Variants in NXPE2 observed in about 807,000 individuals in gnomAD.
NXPE2 encodes the protein neurexophilin and PC-esterase domain family member 2, also known as NXPE family member 2.
Under a neutral mutation model 34.4 loss-of-function variants are expected in NXPE2, and 34 were observed. The observed-to-expected ratio is 0.99, with a 90% confidence interval of 0.75 to 1.31. NXPE2 has a LOEUF of 1.31. Ranked by LOEUF, NXPE2 falls within the 40% of genes most tolerant of loss-of-function variation. The pLI is 0.00. For synonymous variants in NXPE2, 235 were observed against 231.3 expected, an observed-to-expected ratio of 1.02 and a Z score of -0.15; for missense variants, 649 against 672.5, an observed-to-expected ratio of 0.97 and a Z score of 0.39.
chr11:114,624,343 G>C, the NXPE2 span, among the ~76,000 whole-genome samples: 1 of 151,836 alleles, frequency 6.6e-6, no homozygotes, highest in African/African-American at 2.4e-5. Flanking sequence ...TTACTCAGTG[G>C]ATAATAATTA....
At chr11:114,647,917 G>A in the NXPE2 span, among the ~76,000 whole-genome samples, 137 of 152,164 alleles carry the variant, frequency 9.0e-4, 1 homozygote, top group East Asian at 0.021. Context: ...GCCCAGTCTC[G>A]TCTTGAACTC....
chr11:114,650,326 G>C, the NXPE2 span, among the ~76,000 whole-genome samples: 1 of 152,196 alleles, frequency 6.6e-6, no homozygotes, highest in Non-Finnish European at 1.5e-5. Flanking sequence ...TGCTAATTTG[G>C]AATAGCTGGG....
chr11:114,697,541 T>G (rs1418396005), intron 2 of NXPE2, among the ~76,000 whole-genome samples: 1 of 152,166 alleles, frequency 6.6e-6, no homozygotes. Context: ...ATGAAACTAA[T>G]AGAGTCAGCA....
chr11:114,769,096 C>T, the NXPE2 span, among the ~76,000 whole-genome samples: 121 of 151,580 alleles, frequency 8.0e-4, 1 homozygote, highest in Middle Eastern at 3.4e-3. Flanking sequence ...CTACTAAGAA[C>T]TTAAACAAAT....
the NXPE2 span, among the ~76,000 whole-genome samples, chr11:114,492,289 T>C: frequency 1.3e-5 from 2 of 152,178 alleles, no homozygotes; most frequent in East Asian, 3.9e-4. Context: ...CGTGTATTTG[T>C]ATAGTTTCCA....
At chr11:114,474,027 C>CT in the NXPE2 span, among the ~76,000 whole-genome samples, 1 of 151,996 alleles carries the variant, frequency 6.6e-6, no homozygotes, top group African/African-American at 2.4e-5. Context: ...TTCAAGGTTT[C>CT]CAGTAAATTA....
the NXPE2 span, among the ~76,000 whole-genome samples, chr11:114,636,535 G>T: frequency 6.6e-6 from 1 of 151,516 alleles, no homozygotes; most frequent in African/African-American, 2.4e-5. Context: ...TGCTTTTCTA[G>T]TTCTTTTAAT....
At chr11:114,583,815 A>G in the NXPE2 span, 1 of 428,908 alleles carries the variant, frequency 2.3e-6, no homozygotes, top group Non-Finnish European at 4.5e-6. Context: ...GAGGCCTTCT[A>G]TATTACAGGC....
the NXPE2 span, among the ~76,000 whole-genome samples, chr11:114,714,597 C>T: frequency 3.7e-4 from 57 of 152,296 alleles, no homozygotes; most frequent in African/African-American, 1.2e-3. Context: ...TGCCACCTCT[C>T]GGCTCTGCAG....
chr11:114,542,466 C>T, the NXPE2 span, among the ~76,000 whole-genome samples: 2 of 152,014 alleles, frequency 1.3e-5, no homozygotes, highest in African/African-American at 4.8e-5. Flanking sequence ...TATTTATTTA[C>T]AGAAATAAGT....
At chr11:114,783,417 C>T in the NXPE2 span, among the ~76,000 whole-genome samples, 3 of 152,122 alleles carry the variant, frequency 2.0e-5, no homozygotes, top group Non-Finnish European at 4.4e-5. Context: ...CTAGCAAAGA[C>T]CCAGGAAAAG....
At chr11:114,529,439 G>A in the NXPE2 span, 1 of 152,230 alleles carries the variant, frequency 6.6e-6, no homozygotes, top group African/African-American at 2.4e-5. Context: ...TCAGGTTAGT[G>A]GATAACAGGG....
At chr11:114,804,325 T>C in the NXPE2 span, among the ~76,000 whole-genome samples, 1 of 152,234 alleles carries the variant, frequency 6.6e-6, no homozygotes, top group Non-Finnish European at 1.5e-5. Flanking sequence ...TGTCCCTTTA[T>C]AGCCTTCACT....
intron 2 of NXPE2, among the ~76,000 whole-genome samples, chr11:114,687,934 A>C (rs1367409403): frequency 1.3e-5 from 2 of 152,052 alleles, no homozygotes; most frequent in South Asian, 2.1e-4. Flanking sequence ...TTTGTACGTA[A>C]GTTTTGTATC....
the NXPE2 span, among the ~76,000 whole-genome samples, chr11:114,617,625 C>T: frequency 2.6e-5 from 4 of 152,212 alleles, no homozygotes; most frequent in African/African-American, 9.6e-5. Flanking sequence ...AGGGTAACCA[C>T]TGTTACCCAA....
At chr11:114,766,832 T>C in the NXPE2 span, among the ~76,000 whole-genome samples, 1 of 152,142 alleles carries the variant, frequency 6.6e-6, no homozygotes, top group Non-Finnish European at 1.5e-5. Flanking sequence ...CTCTTTGAAG[T>C]GCTACATGGA....
chr11:114,588,694 C>T, the NXPE2 span, among the ~76,000 whole-genome samples: 2 of 152,220 alleles, frequency 1.3e-5, no homozygotes, highest in South Asian at 2.1e-4. Context: ...ATTGGGGGGC[C>T]TATGAAGAAC....
At chr11:114,800,603 C>T in the NXPE2 span, among the ~76,000 whole-genome samples, 1 of 152,112 alleles carries the variant, frequency 6.6e-6, no homozygotes, top group Non-Finnish European at 1.5e-5. Flanking sequence ...AAATATTTAT[C>T]TTTCATATTC....
downstream of NXPE2, among the ~76,000 whole-genome samples, chr11:114,709,503 T>C (rs555568893): frequency 2.0e-4 from 31 of 152,346 alleles, no homozygotes; most frequent in African/African-American, 6.7e-4. Context: ...ATATTGCTAA[T>C]ATACAAGACT....
Sources: allele counts gnomAD v4.1 joint callset (sites outside exome capture counted in the v4.1 genomes callset), GRCh38; gene constraint gnomAD v4.1.1; transcripts MANE v1.5; gene names NCBI Gene and HGNC (gene_info 2026-07-23, HGNC 2026-07-21).